Variants in LCORL observed in about 807,000 individuals in gnomAD.
The protein encoded by LCORL is ligand dependent nuclear receptor corepressor like.
In LCORL, 41 loss-of-function variants were observed where a neutral mutation model predicts 141.8. That is an observed-to-expected ratio of 0.29 (90% CI 0.23 to 0.38). The LOEUF is 0.38. Among genes scored for constraint, LCORL ranks in the 10% least tolerant of loss-of-function variants. The pLI, the probability that LCORL is intolerant of heterozygous loss-of-function variation, is 1.00. For missense variants in LCORL, 1,759 were observed against 2,035.0 expected (o/e 0.86, Z 2.61); for synonymous variants, 618 against 694.1 (o/e 0.89, Z 1.72).
chr4:17,944,566 T>C lies in LCORL; in HGVS notation c.430+17337A>G, dbSNP rs144351150. Among the ~76,000 whole-genome samples, 58 of 152,286 alleles carry C rather than the reference T, an allele frequency of 3.8e-4. 1 individual carries two copies. The highest frequency in any genetic ancestry group is 5.9e-4 in the Non-Finnish European group (40 of 68,022). The stretch of plus-strand genomic sequence containing the variant: ...GGATGGCTCCTGTGTTCCCATACTT[T>C]TTTTTGAGCACTTCCTTACTTTCTG... On this transcript the variant is annotated intron_variant, in intron 4 of 7. Coordinates refer to ENST00000635767, the Ensembl canonical transcript of LCORL.
chr4:17,910,581 A>G (rs1397857554), intron 4 of LCORL, among the ~76,000 whole-genome samples: 1 of 152,128 alleles, frequency 6.6e-6, no homozygotes, highest in Non-Finnish European at 1.5e-5. Context: ...TACTTGTCTA[A>G]AAGACTTAAA....
intron 4 of LCORL, among the ~76,000 whole-genome samples, chr4:17,956,044 A>T (rs1441694808): frequency 6.6e-6 from 1 of 152,156 alleles, no homozygotes; most frequent in African/African-American, 2.4e-5. Flanking sequence ...GACAACAGGC[A>T]TATGAAAAAA....
At chr4:17,930,706 T>C (rs989806764) in intron 4 of LCORL, among the ~76,000 whole-genome samples, 4 of 152,328 alleles carry the variant, frequency 2.6e-5, no homozygotes, top group East Asian at 1.9e-4. Flanking sequence ...CGCTTTTGTA[T>C]TGACATACGT....
At position 17,842,486 on chromosome 4, in the gene LCORL, T is replaced by C. The variant is rs146105883; in HGVS notation, c.*3402A>G. 27 of 843,128 alleles carry C rather than the reference T, an allele frequency of 3.2e-5. No individual in the cohort carries two copies. The East Asian group carries it at 5.1e-4, about 16-fold the overall frequency. The allele number at this position is 843,128 out of a possible 1,614,324, so 52.2% of individuals were successfully genotyped here. ...GAATGAGAGAGAATATATAACAAGA[T>C]AGTGAAAACTATAAATAGCTGTCTT... On this transcript the variant is annotated 3_prime_UTR_variant, in exon 8 of 8. Coordinates refer to ENST00000635767, the Ensembl canonical transcript of LCORL.
intron 4 of LCORL, among the ~76,000 whole-genome samples, chr4:17,945,196 A>G (rs1052685152): frequency 1.3e-5 from 2 of 152,084 alleles, no homozygotes; most frequent in South Asian, 2.1e-4. Flanking sequence ...CACATTATTA[A>G]ATGAGGTACA....
intron 1 of LCORL, among the ~76,000 whole-genome samples, chr4:18,003,946 A>G (rs1208234932): frequency 6.6e-6 from 1 of 152,242 alleles, no homozygotes; most frequent in African/African-American, 2.4e-5. Flanking sequence ...ACACACCAAT[A>G]AAGTCCAAAG....
rs1165193645 is a variant in LCORL, at chr4:17,876,215, C to CT, written c.2774dup (p.Ser926ValfsTer14). 8.1e-7 allele frequency: 1 copy of CT among 1,230,808 alleles called. No homozygotes were observed. Among genetic ancestry groups the CT allele is most frequent in the African/African-American group, 1.6e-5 (1 of 64,308 alleles). The allele number at this position is 1,230,808 out of a possible 1,614,324, so 76.2% of individuals were successfully genotyped here. A position where few individuals can be genotyped will look rare whatever the true frequency, so the allele number is the denominator to read the frequency against. On this transcript the variant is annotated frameshift_variant, in exon 7 of 8. Coordinates refer to ENST00000635767, the Ensembl canonical transcript of LCORL. LOFTEE classifies it high-confidence loss of function. Reference sequence around the variant, plus strand: ...AGCGACCCATATCTAAAATAGATGACTTTTTCAGATTTTCAAGTCTTTTGT... The same window carrying CT: ...AGCGACCCATATCTAAAATAGATGACTTTTTTCAGATTTTCAAGTCTTTTGT...
At chr4:17,864,775 A>C (rs1313174821) in intron 7 of LCORL, among the ~76,000 whole-genome samples, 1 of 152,202 alleles carries the variant, frequency 6.6e-6, no homozygotes, top group Non-Finnish European at 1.5e-5. Context: ...TGAAGACATA[A>C]ATAGGTTAAA....
At chr4:18,004,440 C>A (rs1722466068) in intron 1 of LCORL, among the ~76,000 whole-genome samples, 1 of 152,142 alleles carries the variant, frequency 6.6e-6, no homozygotes, top group South Asian at 2.1e-4. Flanking sequence ...AGTGCTTGTG[C>A]AGGGAAACAT....
chr4:17,906,106 ATTTAT>A (rs1251462393), intron 5 of LCORL, among the ~76,000 whole-genome samples: 24 of 152,188 alleles, frequency 1.6e-4, no homozygotes, highest in Non-Finnish European at 2.8e-4. Flanking sequence ...ATCCTAAAAT[ATTTAT>A]AGAAAGACTG....
At chr4:17,857,656 G>T (rs1460980051) in intron 7 of LCORL, among the ~76,000 whole-genome samples, 2 of 152,128 alleles carry the variant, frequency 1.3e-5, no homozygotes. Context: ...GGCTGTGCTA[G>T]ACATTGTAGA....
At chr4:17,872,706 G>A (rs2109172098) in intron 7 of LCORL, among the ~76,000 whole-genome samples, 1 of 152,198 alleles carries the variant, frequency 6.6e-6, no homozygotes, top group Non-Finnish European at 1.5e-5. Flanking sequence ...GCTAGTTATG[G>A]ATTACCTGTG....
At chr4:17,915,082 T>C (rs1359395381) in intron 4 of LCORL, among the ~76,000 whole-genome samples, 1 of 152,092 alleles carries the variant, frequency 6.6e-6, no homozygotes, top group Non-Finnish European at 1.5e-5. Context: ...TCCCCTCCTT[T>C]TATTTTCTCT....
intron 4 of LCORL, among the ~76,000 whole-genome samples, chr4:17,923,595 G>T (rs550560647): frequency 6.6e-6 from 1 of 152,196 alleles, no homozygotes; most frequent in African/African-American, 2.4e-5. Context: ...GCAGTGAGCC[G>T]AGATTGTGCC....
rs1055277753 is a variant in LCORL at position 17,966,434 on chromosome 4, C to T, written c.221-3385G>A. On this transcript the variant is annotated intron_variant, in intron 2 of 7. Coordinates refer to ENST00000635767, the Ensembl canonical transcript of LCORL. ...AAATGGACCAATTCCTCAGAAGACA[C>T]AAACTACCAAATCTCACACAAGGTA... Among the ~76,000 whole-genome samples, 4 of 152,196 alleles carry T rather than the reference C, an allele frequency of 2.6e-5. No individual in the cohort carries two copies. The East Asian group carries it at 7.7e-4, about 29-fold the overall frequency.
chr4:17,851,047 A>C (rs913437527), intron 7 of LCORL, among the ~76,000 whole-genome samples: 35 of 146,210 alleles, frequency 2.4e-4, no homozygotes, highest in African/African-American at 8.6e-4. Flanking sequence ...CAAACACCGC[A>C]TATTCTCACT....
intron 1 of LCORL, among the ~76,000 whole-genome samples, chr4:17,999,924 T>C (rs1170420124): frequency 6.6e-6 from 1 of 152,322 alleles, no homozygotes; most frequent in African/African-American, 2.4e-5. Context: ...CCACAAGTTA[T>C]AAAAACAATG....
chr4:17,893,624 T>G, intron 5 of LCORL: 1 of 984,260 alleles, frequency 1.0e-6, no homozygotes, highest in Non-Finnish European at 1.2e-6. Flanking sequence ...TTTCTTCATT[T>G]TCTTATTTGT....
At chr4:18,000,231 A>T (rs1321982532) in intron 1 of LCORL, among the ~76,000 whole-genome samples, 1 of 151,966 alleles carries the variant, frequency 6.6e-6, no homozygotes, top group Admixed American at 6.6e-5. Context: ...GAAGGGGAAA[A>T]TATGGTACAC....
Sources: gnomAD v4.1 joint callset for allele counts (sites outside exome capture counted in the v4.1 genomes callset) on GRCh38, gnomAD v4.1.1 for gene constraint, MANE v1.5 for transcripts, NCBI Gene and HGNC (gene_info 2026-07-23, HGNC 2026-07-21) for gene names.